The following PTK7 variants were observed in gnomAD, a reference collection of about 807,000 sequenced individuals.
PTK7 encodes protein tyrosine kinase 7 (inactive).
Under a neutral mutation model 116.6 loss-of-function variants are expected in PTK7, and 39 were observed. The observed-to-expected ratio is 0.33, with a 90% CI of 0.26 to 0.44. The LOEUF (loss-of-function observed/expected upper bound fraction) is 0.44, where lower values mean the gene tolerates loss of function less well. Among genes scored for constraint, PTK7 ranks in the 20% least tolerant of loss-of-function variants. PTK7 has a pLI of 1.00. For missense variants in PTK7, 1,169 were observed against 1,425.6 expected (o/e 0.82, Z 2.90); for synonymous variants, 546 against 563.6 (o/e 0.97, Z 0.44).
At chr6:43,119,648 G>C (rs1768842402) in intron 1 of PTK7, among the ~76,000 whole-genome samples, 1 of 152,200 alleles carries the variant, frequency 6.6e-6, no homozygotes, top group Non-Finnish European at 1.5e-5. Flanking sequence ...GGGAGCACTG[G>C]CTGAGCACCA....
chr6:43,158,261 T>C lies in PTK7; in HGVS notation c.2722-556T>C, dbSNP rs1399498493. On this transcript the variant is annotated intron_variant, in intron 17 of 19. Transcript: ENST00000230419. ...TTGAAGTGAGCCGAGATCATGCCAC[T>C]GCACTCCAGCCTGGGCAACAGAGCA... Among the ~76,000 whole-genome samples, 3 of 150,924 alleles carry C rather than the reference T, an allele frequency of 2.0e-5. No homozygotes were observed. In the South Asian group the frequency reaches 6.3e-4, roughly 32 times the overall value.
chr6:43,108,369 A>G (rs1206443085), intron 1 of PTK7, among the ~76,000 whole-genome samples: 1 of 139,018 alleles, frequency 7.2e-6, no homozygotes, highest in African/African-American at 2.7e-5. Context: ...TGCTGGGATT[A>G]TGGGCATGAG....
chr6:43,076,879 C>T lies in PTK7; in HGVS notation c.79+312C>T. 2 of 1,490,626 alleles carry T rather than the reference C, an allele frequency of 1.3e-6. No homozygotes were observed. Among genetic ancestry groups the T allele is most frequent in the Non-Finnish European group, 1.8e-6 (2 of 1,117,302 alleles). The allele number at this position is 1,490,626 out of a possible 1,614,324, so 92.3% of individuals were successfully genotyped here. A position where few individuals can be genotyped will look rare whatever the true frequency, so the allele number is the denominator to read the frequency against. Reference sequence around the variant, plus strand: ...CTGCCGAGAGTTGCTGGCTCTCGGGCCCAGATGGGGAGTTTCTTGTCGGGG... The same window carrying T: ...CTGCCGAGAGTTGCTGGCTCTCGGGTCCAGATGGGGAGTTTCTTGTCGGGG... On this transcript the variant is annotated intron_variant, in intron 1 of 19. Transcript: ENST00000230419. This position sits in a 1 kb window ranked among gnomAD's most constrained non-coding sequence, Gnocchi z 5.7.
intron 1 of PTK7, among the ~76,000 whole-genome samples, chr6:43,113,075 C>A (rs1053771856): frequency 6.6e-6 from 1 of 152,280 alleles, no homozygotes; most frequent in South Asian, 2.1e-4. Context: ...CCATCTCAGC[C>A]TCCCAAAGTG....
intron 17 of PTK7, among the ~76,000 whole-genome samples, chr6:43,147,293 A>G (rs1219763236): frequency 6.6e-6 from 1 of 152,198 alleles, no homozygotes; most frequent in Non-Finnish European, 1.5e-5. Context: ...CCCCTGTGGT[A>G]GAGCAGACCT....
Position 43,144,553 on chromosome 6 carries a change from C to A in PTK7, c.2354C>A (p.Thr785Lys). ...GPAATNKRHS[T>K]SDKMHFPRSS... Reference sequence around the variant, plus strand: ...GCGGCCACCAACAAACGCCACAGCACAAGTGATAAGATGCACTTCCCACGG... The same window carrying A: ...GCGGCCACCAACAAACGCCACAGCAAAAGTGATAAGATGCACTTCCCACGG... Residue 785 changes from threonine (T) to lysine (K), a missense_variant, in exon 15 of 20, where the codon ACA becomes AAA. Thr to Lys is a moderately conservative substitution (Grantham distance 78, BLOSUM62 -1). Coordinates refer to ENST00000230419, the MANE Select transcript of PTK7 (RefSeq NM_002821.5). 1 of 1,614,188 alleles carries A rather than the reference C, an allele frequency of 6.2e-7. No homozygotes were observed.
chr6:43,130,147 A>G, intron 3 of PTK7, 83 bp from the exon 4 acceptor site: 1 of 1,381,822 alleles, frequency 7.2e-7, no homozygotes, highest in Non-Finnish European at 9.8e-7. Flanking sequence ...TGAAAGGTCT[A>G]GCCCTGACCC....
chr6:43,149,987 G>A (rs1770973916), intron 17 of PTK7, among the ~76,000 whole-genome samples: 1 of 152,208 alleles, frequency 6.6e-6, no homozygotes, highest in African/African-American at 2.4e-5. Context: ...AGGATTTTAA[G>A]AGAGCAGTGA....
chr6:43,096,225 C>G (rs901380013), intron 1 of PTK7, among the ~76,000 whole-genome samples: 35 of 152,188 alleles, frequency 2.3e-4, no homozygotes, highest in African/African-American at 7.5e-4. Flanking sequence ...AGAAATCCCC[C>G]TGAGCCTCAG....
chr6:43,092,572 T>A (rs1245043598), intron 1 of PTK7, among the ~76,000 whole-genome samples: 1 of 151,914 alleles, frequency 6.6e-6, no homozygotes, highest in East Asian at 1.9e-4. Flanking sequence ...ATAGAACATA[T>A]CCCCCCCAGG....
In PTK7 at chr6:43,142,370, C is replaced by T. The variant is rs931952418; in HGVS notation, c.2047+71C>T. 2.0e-4 allele frequency: 317 copies of T among 1,605,700 alleles called. 1 individual carries two copies. Among genetic ancestry groups the T allele is most frequent in the Middle Eastern group, 1.7e-3 (10 of 6,054 alleles). ...GACGTTTGTCACCTTGTACTCAGCC[C>T]CTGTGTACAGAACATGGCACAGAAG... On this transcript the variant is annotated intron_variant, in intron 13 of 19. Coordinates refer to ENST00000230419, the MANE Select transcript of PTK7 (RefSeq NM_002821.5).
At chr6:43,156,341 C>T (rs933454496) in intron 17 of PTK7, among the ~76,000 whole-genome samples, 2 of 151,614 alleles carry the variant, frequency 1.3e-5, no homozygotes, top group African/African-American at 2.4e-5. Context: ...GTGGCTCACA[C>T]CTGTGATCCC....
rs559949990 is a variant in PTK7, at chr6:43,129,937, G to A, written c.470+108G>A. 16 of 1,106,848 alleles carry A rather than the reference G, an allele frequency of 1.4e-5. No homozygotes were observed. Among genetic ancestry groups the A allele is most frequent in the Middle Eastern group, 3.9e-4 (2 of 5,092 alleles). 68.6% of individuals were successfully genotyped at this position (1,106,848 alleles called of 1,614,324 possible). Reference sequence around the variant, plus strand: ...ACCTCGCTCCATTCTGTGACCACTCGTTCCACCACCACAGTGCTCTTCACC... The same window carrying A: ...ACCTCGCTCCATTCTGTGACCACTCATTCCACCACCACAGTGCTCTTCACC... On this transcript the variant is annotated intron_variant, in intron 3 of 19. Coordinates refer to ENST00000230419, the MANE Select transcript of PTK7 (RefSeq NM_002821.5). This position sits in a 1 kb window ranked among gnomAD's most constrained non-coding sequence, Gnocchi z 4.5.
chr6:43,158,904 C>G lies in PTK7; in HGVS notation c.2809C>G (p.Leu937Val), dbSNP rs752372683. The G allele has an allele frequency of 4.3e-6, 7 of 1,614,218 alleles. No individual in the cohort carries two copies. The highest frequency in any genetic ancestry group is 1.1e-5 in the South Asian group (1 of 91,082). Residue 937 changes from leucine to valine, a missense_variant, in exon 18 of 20, where the codon CTG becomes GTG. Transcript: ENST00000230419. ...VHKDLAARNC[L>V]VSAQRQVKVS... is the part of the protein sequence containing the mutation. ...TAAGGACTTGGCTGCGCGTAACTGCCTGGTCAGTGCCCAGAGACAAGTGAA... is the reference window on the plus strand; with the variant it reads ...TAAGGACTTGGCTGCGCGTAACTGCGTGGTCAGTGCCCAGAGACAAGTGAA...
intron 17 of PTK7, among the ~76,000 whole-genome samples, chr6:43,157,673 A>T (rs1017417625): frequency 1.3e-5 from 2 of 151,862 alleles, no homozygotes; most frequent in Non-Finnish European, 2.9e-5. Flanking sequence ...TTGAGGTTAG[A>T]TATTTGAGAC....
intron 17 of PTK7, among the ~76,000 whole-genome samples, chr6:43,158,473 A>G (rs186380100): frequency 5.8e-4 from 89 of 152,250 alleles, no homozygotes; most frequent in African/African-American, 1.9e-3. Context: ...GTCACTTGAA[A>G]ATAAAAAATA....
chr6:43,133,085 G>A, intron 7 of PTK7: 1 of 400,774 alleles, frequency 2.5e-6, no homozygotes, highest in African/African-American at 2.0e-5. Context: ...CAAGGTGGTT[G>A]GAAAGGTCAA....
chr6:43,149,003 G>A (rs1166042914), intron 17 of PTK7, among the ~76,000 whole-genome samples: 2 of 145,120 alleles, frequency 1.4e-5, no homozygotes, highest in Non-Finnish European at 3.0e-5. Flanking sequence ...AGGTTGCAGT[G>A]AGCCAAGATC....
At chr6:43,126,448 T>G (rs951514473) in intron 1 of PTK7, among the ~76,000 whole-genome samples, 2 of 152,222 alleles carry the variant, frequency 1.3e-5, no homozygotes, top group African/African-American at 2.4e-5. Context: ...AACCAGTTCT[T>G]GCCCCACGCT....
Sources: allele counts gnomAD v4.1 joint callset (sites outside exome capture counted in the v4.1 genomes callset), GRCh38; gene constraint gnomAD v4.1.1; non-coding constraint Gnocchi (gnomAD v3.1); transcripts MANE v1.5; gene names NCBI Gene and HGNC (gene_info 2026-07-23, HGNC 2026-07-21).